Variants in PECAM1 observed in about 807,000 individuals in gnomAD.
The protein encoded by PECAM1 is platelet and endothelial cell adhesion molecule 1, also known as platelet endothelial cell adhesion molecule.
In PECAM1, 8 loss-of-function variants were observed where a neutral mutation model predicts 13.8. The ratio of observed to expected loss-of-function variants is 0.58; its 90% CI spans 0.34 to 1.05. The LOEUF (loss-of-function observed/expected upper bound fraction) is 1.05. PECAM1 is among the 50% of genes least tolerant of loss of function. PECAM1 has a pLI of 0.03. For missense variants in PECAM1, 304 were observed against 141.2 expected (o/e 2.15, Z -5.84); for synonymous variants, 136 against 52.6 (o/e 2.58, Z -6.86).
chr17:64,323,386 G>A lies in PECAM1; in HGVS notation c.*430C>T, dbSNP rs995723316. 3.7e-5 allele frequency: 41 copies of A among 1,101,362 alleles called. No homozygotes were observed. Among genetic ancestry groups the A allele is most frequent in the Non-Finnish European group, 4.3e-5 (39 of 900,310 alleles). The allele number at this position is 1,101,362 out of a possible 1,614,324, so 68.2% of individuals were successfully genotyped here. On this transcript the variant is annotated 3_prime_UTR_variant, in exon 16 of 16. Transcript: ENST00000563924. Reference sequence around the variant, plus strand: ...AAGCCTTTGAAGGACCAAAGGAAAAGAGAAAAAACCAGCCTCTAACCAGGC... The same window carrying A: ...AAGCCTTTGAAGGACCAAAGGAAAAAAGAAAAAACCAGCCTCTAACCAGGC...
Position 64,369,869 on chromosome 17 carries a change from C to G in PECAM1, c.848G>C (p.Arg283Thr). Reference sequence around the variant, plus strand: ...TGAGTACACAGCCTTGTTGCCATGTCTGTTGTGGGCCACAATCGCCTTGTC... The same window carrying G: ...TGAGTACACAGCCTTGTTGCCATGTGTGTTGTGGGCCACAATCGCCTTGTC... ...QKDKAIVAHN[R>T]HGNKAVYSVM... The change falls in exon 5 of 16, where the codon AGA (arginine) becomes ACA (threonine). Residue 283 changes from arginine to threonine, a missense_variant. By Grantham distance (71) the Arg-to-Thr change is moderately conservative. Transcript: ENST00000563924. 2 of 398,640 alleles carry G rather than the reference C, an allele frequency of 5.0e-6. No homozygotes were observed. The highest frequency in any genetic ancestry group is 8.8e-6 in the Non-Finnish European group (2 of 226,096). 24.7% of individuals were successfully genotyped at this position (398,640 alleles called of 1,614,324 possible). A position where few individuals can be genotyped will look rare whatever the true frequency, so the allele number is the denominator to read the frequency against.
chr17:64,380,625 T>G, intron 2 of PECAM1, among the ~76,000 whole-genome samples: 1 of 152,344 alleles, frequency 6.6e-6, no homozygotes, highest in Non-Finnish European at 1.5e-5. Context: ...AGCAGTCCAA[T>G]GTTTAAAACT....
chr17:64,323,333 C>T lies in PECAM1; in HGVS notation c.*483G>A. On this transcript the variant is annotated 3_prime_UTR_variant, in exon 16 of 16. Coordinates refer to ENST00000563924, the MANE Select transcript of PECAM1 (RefSeq NM_000442.5). Reference sequence around the variant, plus strand: ...GCTGTCTGGTCAGCACTGTGTATTTCCAAAGAACAAGGACTAGCCAAAACT... The same window carrying T: ...GCTGTCTGGTCAGCACTGTGTATTTTCAAAGAACAAGGACTAGCCAAAACT... 1 of 1,056,444 alleles carries T rather than the reference C, an allele frequency of 9.5e-7. No individual in the cohort carries two copies. Among genetic ancestry groups the T allele is most frequent in the Non-Finnish European group, 1.1e-6 (1 of 873,198 alleles). The allele number at this position is 1,056,444 out of a possible 1,614,324, so 65.4% of individuals were successfully genotyped here.
At position 64,322,373 on chromosome 17, in the gene PECAM1, C is replaced by T. The variant is rs1422609065; in HGVS notation, c.*1443G>A. 22 of 973,726 alleles carry T rather than the reference C, an allele frequency of 2.3e-5. No individual in the cohort carries two copies. Among genetic ancestry groups the T allele is most frequent in the Non-Finnish European group, 2.7e-5 (22 of 819,076 alleles). The allele number at this position is 973,726 out of a possible 1,614,324, so 60.3% of individuals were successfully genotyped here. ...TGCAGTCCAGCCCGGGCAACAAGAG[C>T]GAATCTCCGTCTCAAAACAACAAAA... On this transcript the variant is annotated 3_prime_UTR_variant, in exon 16 of 16. Transcript: ENST00000563924.
At chr17:64,381,611 T>C (rs1226885244) in intron 2 of PECAM1, among the ~76,000 whole-genome samples, 1 of 152,230 alleles carries the variant, frequency 6.6e-6, no homozygotes, top group Middle Eastern at 3.2e-3. Flanking sequence ...TGCTGCTATA[T>C]TCTGAGCAAT....
intron 8 of PECAM1, among the ~76,000 whole-genome samples, chr17:64,355,626 AT>A (rs1363666960): frequency 6.6e-6 from 1 of 151,894 alleles, no homozygotes; most frequent in East Asian, 1.9e-4. Context: ...CGCCCAGCCT[AT>A]TTTTGTACTT....
intron 13 of PECAM1, among the ~76,000 whole-genome samples, chr17:64,344,853 C>G (rs1378638487): frequency 6.6e-6 from 1 of 152,096 alleles, no homozygotes; most frequent in East Asian, 1.9e-4. Context: ...AAGTGACCCT[C>G]TTTACGGGTC....
intron 14 of PECAM1, among the ~76,000 whole-genome samples, chr17:64,337,946 A>G (rs1403068658): frequency 2.6e-5 from 4 of 151,588 alleles, no homozygotes; most frequent in African/African-American, 9.7e-5. Flanking sequence ...TTAACAAGAG[A>G]AAAACAAAGA....
At chr17:64,331,120 G>A (rs2035100976) in intron 14 of PECAM1, among the ~76,000 whole-genome samples, 1 of 151,964 alleles carries the variant, frequency 6.6e-6, no homozygotes, top group South Asian at 2.1e-4. Context: ...CATTGCCAAC[G>A]CTCTTAGCAG....
chr17:64,355,931 T>C (rs1442768814), intron 8 of PECAM1, among the ~76,000 whole-genome samples, 180 bp downstream of exon 8: 1 of 152,112 alleles, frequency 6.6e-6, no homozygotes, highest in Admixed American at 6.5e-5. Flanking sequence ...TCGATTTCTC[T>C]TTTTTACTTA....
Position 64,321,768 on chromosome 17 carries a change from C to A in PECAM1, c.*2048G>T. On this transcript the variant is annotated 3_prime_UTR_variant, in exon 16 of 16. Transcript: ENST00000563924. The stretch of plus-strand genomic sequence containing the variant: ...AGAGCAAGCCCCTGTCTCAACAAAA[C>A]AAAACAAAACAAAAAATTCAGTCGT... The A allele has an allele frequency of 1.5e-6, 2 of 1,308,572 alleles. No individual in the cohort carries two copies. Among genetic ancestry groups the A allele is most frequent in the Non-Finnish European group, 2.0e-6 (2 of 991,538 alleles). 81.1% of individuals were successfully genotyped at this position (1,308,572 alleles called of 1,614,324 possible).
Position 64,320,082 on chromosome 17 carries a change from C to T in PECAM1, c.*3734G>A, listed in dbSNP as rs1361623626. On this transcript the variant is annotated 3_prime_UTR_variant, in exon 16 of 16. Coordinates refer to ENST00000563924, the MANE Select transcript of PECAM1 (RefSeq NM_000442.5). ...GTCCTCAAATAGCCTGCTGGGGAGA[C>T]ATCTCCTTCCCGTTTACCTTTCCAT... is the stretch of plus-strand genomic sequence containing the variant. 6.6e-6 allele frequency: 1 copy of T among 152,230 alleles called. No individual in the cohort carries two copies. The highest frequency in any genetic ancestry group is 2.4e-5 in the African/African-American group (1 of 41,440). 9.4% of individuals were successfully genotyped at this position (152,230 alleles called of 1,614,324 possible). A position where few individuals can be genotyped will look rare whatever the true frequency, so the allele number is the denominator to read the frequency against.
At position 64,322,445 on chromosome 17, in the gene PECAM1, A is replaced by AG; in HGVS notation, c.*1370dup. 1.0e-6 allele frequency: 1 copy of AG among 986,094 alleles called. No individual in the cohort carries two copies. The highest frequency in any genetic ancestry group is 1.2e-6 in the Non-Finnish European group (1 of 830,388). 61.1% of individuals were successfully genotyped at this position (986,094 alleles called of 1,614,324 possible). Reference sequence around the variant, plus strand: ...TTCTCTCTGTGACTTCAGAGGCCCAAGGAGTCCTCAGCACTATAGATGCAT... The same window carrying AG: ...TTCTCTCTGTGACTTCAGAGGCCCAAGGGAGTCCTCAGCACTATAGATGCAT... On this transcript the variant is annotated 3_prime_UTR_variant, in exon 16 of 16. Coordinates refer to ENST00000563924, the MANE Select transcript of PECAM1 (RefSeq NM_000442.5).
intron 5 of PECAM1, among the ~76,000 whole-genome samples, chr17:64,364,635 G>A (rs1472345324): frequency 2.0e-4 from 30 of 147,036 alleles, no homozygotes; most frequent in Non-Finnish European, 3.5e-4. Context: ...GATCAAGTGG[G>A]CTTCATCCCT....
chr17:64,354,900 C>T, intron 9 of PECAM1, 33 bp downstream of exon 9: 1 of 475,090 alleles, frequency 2.1e-6, no homozygotes, highest in Non-Finnish European at 3.9e-6. Flanking sequence ...GCAAGGACGA[C>T]CAGTCAGTAT....
At chr17:64,357,009 T>C (rs2035861648) in intron 7 of PECAM1, among the ~76,000 whole-genome samples, 1 of 152,136 alleles carries the variant, frequency 6.6e-6, no homozygotes, top group Non-Finnish European at 1.5e-5. Context: ...AGTCCCCTGC[T>C]GATTAAATTC....
In PECAM1 at chr17:64,322,477, C is replaced by T. The variant is rs1411447484; in HGVS notation, c.*1339G>A. On this transcript the variant is annotated 3_prime_UTR_variant, in exon 16 of 16. Transcript: ENST00000563924. ...CTCAGCACTATAGATGCATGTGGCC[C>T]CTCAGAAGACAACATTTCACAGATC... 2.1e-5 allele frequency: 21 copies of T among 985,306 alleles called. No individual in the cohort carries two copies. The highest frequency in any genetic ancestry group is 2.4e-5 in the Non-Finnish European group (20 of 829,952). 61.0% of individuals were successfully genotyped at this position (985,306 alleles called of 1,614,324 possible).
At chr17:64,338,686 G>C (rs997182313) in intron 14 of PECAM1, among the ~76,000 whole-genome samples, 3 of 151,976 alleles carry the variant, frequency 2.0e-5, no homozygotes, top group Non-Finnish European at 4.4e-5. Flanking sequence ...ACCTCCCGAG[G>C]AGCTGGGGTT....
chr17:64,352,485 A>G, intron 10 of PECAM1, 22 bp from the exon 11 acceptor site: 3 of 466,340 alleles, frequency 6.4e-6, no homozygotes. Flanking sequence ...ATATAAAAAC[A>G]GAAAACAATA....
Sources: gnomAD v4.1 joint callset for allele counts (sites outside exome capture counted in the v4.1 genomes callset) on GRCh38, gnomAD v4.1.1 for gene constraint, MANE v1.5 for transcripts, NCBI Gene and HGNC (gene_info 2026-07-23, HGNC 2026-07-21) for gene names.